Variants in PLPPR1 observed in about 807,000 individuals in gnomAD.
The protein encoded by PLPPR1 is phospholipid phosphatase related 1, also known as phospholipid phosphatase-related protein type 1.
Under a neutral mutation model 33.1 loss-of-function variants are expected in PLPPR1, and 10 were observed. The ratio of observed to expected loss-of-function variants is 0.30; its 90% CI spans 0.19 to 0.51. The LOEUF is 0.51. Among genes scored for constraint, PLPPR1 ranks in the 20% least tolerant of loss-of-function variants. The pLI is 0.97. For missense variants in PLPPR1, 304 were observed against 408.1 expected (o/e 0.74, Z 2.20); for synonymous variants, 151 against 151.0 (o/e 1.00, Z 0.00).
At chr9:101,099,614 GC>G (rs1830870781) in intron 1 of PLPPR1, among the ~76,000 whole-genome samples, 1 of 152,082 alleles carries the variant, frequency 6.6e-6, no homozygotes, top group Non-Finnish European at 1.5e-5. Flanking sequence ...CGATATGACA[GC>G]CACTTACATA....
intron 5 of PLPPR1, among the ~76,000 whole-genome samples, chr9:101,311,110 C>T (rs1828946447): frequency 6.6e-6 from 1 of 152,084 alleles, no homozygotes; most frequent in South Asian, 2.1e-4. Flanking sequence ...TTATCAGACT[C>T]AAGTCATTGC....
intron 2 of PLPPR1, among the ~76,000 whole-genome samples, chr9:101,250,972 CCT>C (rs1377852584): frequency 6.6e-6 from 1 of 151,972 alleles, no homozygotes; most frequent in Non-Finnish European, 1.5e-5. Flanking sequence ...CTCCTGGACT[CCT>C]CTTTATTCTA....
chr9:101,162,039 T>C (rs1831783547), intron 1 of PLPPR1, among the ~76,000 whole-genome samples: 5 of 151,908 alleles, frequency 3.3e-5, no homozygotes, highest in Admixed American at 3.3e-4. Flanking sequence ...GCTTTGACAC[T>C]TGTTAGCCAG....
At chr9:101,191,050 A>C (rs116438766) in intron 2 of PLPPR1, among the ~76,000 whole-genome samples, 2,948 of 152,246 alleles carry the variant, frequency 0.019, 80 homozygotes, top group African/African-American at 0.054. Context: ...TAAAAATAGG[A>C]TAGTGATTTT....
intron 6 of PLPPR1, among the ~76,000 whole-genome samples, chr9:101,314,543 T>C (rs1829017644): frequency 1.3e-5 from 2 of 151,924 alleles, no homozygotes; most frequent in African/African-American, 4.8e-5. Context: ...TCCCAGTGCA[T>C]ATAAAAAGTT....
At chr9:101,244,688 C>A (rs1359162524) in intron 2 of PLPPR1, among the ~76,000 whole-genome samples, 1 of 151,748 alleles carries the variant, frequency 6.6e-6, no homozygotes, top group African/African-American at 2.4e-5. Context: ...GGTTGACATA[C>A]AATAAAATGC....
chr9:101,278,473 T>C (rs567359013), intron 3 of PLPPR1, among the ~76,000 whole-genome samples: 17 of 152,132 alleles, frequency 1.1e-4, no homozygotes, highest in Middle Eastern at 3.4e-3. Flanking sequence ...TGGAACACAA[T>C]AATAATAAAA....
At chr9:101,282,480 GT>G in intron 3 of PLPPR1, among the ~76,000 whole-genome samples, 1 of 152,174 alleles carries the variant, frequency 6.6e-6, no homozygotes, top group Non-Finnish European at 1.5e-5. Flanking sequence ...AAAGTTGAAA[GT>G]TTTTTCTCTA....
chr9:101,256,482 G>T (rs867922703), intron 2 of PLPPR1, among the ~76,000 whole-genome samples: 1 of 152,088 alleles, frequency 6.6e-6, no homozygotes, highest in African/African-American at 2.4e-5. Context: ...GAGGGTTCAG[G>T]GGGTAAGCAG....
rs535986749 is a variant in PLPPR1 at position 101,262,021 on chromosome 9, C to A, written c.64-7859C>A. 4.6e-5 allele frequency among the ~76,000 whole-genome samples: 7 copies of A among 152,134 alleles called. No individual in the cohort carries two copies. In the South Asian group the frequency reaches 1.2e-3, roughly 27 times the overall value. On this transcript the variant is annotated intron_variant, in intron 2 of 7. Transcript: ENST00000374874. Reference sequence around the variant, plus strand: ...AAGATATAGCTCTGTATTTAACTAACTGGAGACTTACTAGAAAAATAGTCT... The same window carrying A: ...AAGATATAGCTCTGTATTTAACTAAATGGAGACTTACTAGAAAAATAGTCT...
chr9:101,303,558 C>T (rs938869713), intron 4 of PLPPR1, among the ~76,000 whole-genome samples: 2 of 152,160 alleles, frequency 1.3e-5, no homozygotes, highest in Non-Finnish European at 2.9e-5. Context: ...GCCTCGGCCT[C>T]CCAAAGTGCT....
intron 1 of PLPPR1, among the ~76,000 whole-genome samples, chr9:101,071,105 C>T (rs1830477683): frequency 6.6e-6 from 1 of 152,084 alleles, no homozygotes; most frequent in African/African-American, 2.4e-5. Context: ...GAGGGCTGCA[C>T]TAAACGCAGG....
chr9:101,216,031 T>C (rs571699322), intron 2 of PLPPR1, among the ~76,000 whole-genome samples: 1 of 152,302 alleles, frequency 6.6e-6, no homozygotes, highest in African/African-American at 2.4e-5. Flanking sequence ...GATCATATGA[T>C]AGTTCCAATT....
chr9:101,144,362 T>C (rs1265855239), intron 1 of PLPPR1, among the ~76,000 whole-genome samples: 1 of 152,094 alleles, frequency 6.6e-6, no homozygotes, highest in Admixed American at 6.6e-5. Context: ...TGTATACATA[T>C]GTAACAAACC....
chr9:101,301,268 G>A lies in PLPPR1; in HGVS notation c.386-7943G>A, dbSNP rs562066942. ...TAACTGAGTCAAATATTTGTTTCAG[G>A]TTGTTACAATTGTAGGTTTCTTATA... is the stretch of plus-strand genomic sequence containing the variant. On this transcript the variant is annotated intron_variant, in intron 4 of 7. Transcript: ENST00000374874. Among the ~76,000 whole-genome samples the A allele has an allele frequency of 2.6e-5, 4 of 152,160 alleles. No homozygotes were observed. The South Asian group carries it at 8.3e-4, about 32-fold the overall frequency.
intron 1 of PLPPR1, among the ~76,000 whole-genome samples, chr9:101,054,432 T>C (rs935267464): frequency 6.6e-6 from 1 of 152,144 alleles, no homozygotes; most frequent in Non-Finnish European, 1.5e-5. Flanking sequence ...AATCAAAAAA[T>C]GATTCCAGAA....
At chr9:101,270,393 T>C (rs1828074208) in intron 3 of PLPPR1, among the ~76,000 whole-genome samples, 1 of 152,234 alleles carries the variant, frequency 6.6e-6, no homozygotes, top group Non-Finnish European at 1.5e-5. Context: ...AAATATGCTA[T>C]GAGTTGCAAG....
intron 1 of PLPPR1, among the ~76,000 whole-genome samples, chr9:101,066,237 A>G (rs1205431389): frequency 6.6e-6 from 1 of 151,904 alleles, no homozygotes; most frequent in Non-Finnish European, 1.5e-5. Context: ...GATTTGGGGG[A>G]TGAAAATAGT....
chr9:101,299,084 T>G (rs1166888412), intron 4 of PLPPR1, among the ~76,000 whole-genome samples: 1 of 152,152 alleles, frequency 6.6e-6, no homozygotes, highest in Non-Finnish European at 1.5e-5. Flanking sequence ...TTCTGAGCCA[T>G]GAGTCTAGAT....
Sources: gnomAD v4.1 joint callset for allele counts (sites outside exome capture counted in the v4.1 genomes callset) on GRCh38, gnomAD v4.1.1 for gene constraint, MANE v1.5 for transcripts, NCBI Gene and HGNC (gene_info 2026-07-23, HGNC 2026-07-21) for gene names.